LARGE1: variants seen among roughly 807,000 people sequenced by gnomAD.
LARGE1 encodes LARGE xylosyl- and glucuronyltransferase 1.
In LARGE1, 43 loss-of-function variants were observed where a neutral mutation model predicts 87.6. The ratio of observed to expected loss-of-function variants is 0.49; its 90% CI spans 0.38 to 0.63. LARGE1 has a LOEUF of 0.63. LARGE1 is among the 30% of genes least tolerant of loss of function. The pLI, the probability that LARGE1 is intolerant of heterozygous loss-of-function variation, is 0.00. For synonymous variants in LARGE1, 434 were observed against 394.6 expected (o/e 1.10, Z -1.18); for missense variants, 802 against 1,000.2 (o/e 0.80, Z 2.67).
chr22:33,904,699 G>C lies in LARGE1; in HGVS notation c.-83+15296C>G, dbSNP rs1338219286. Among the ~76,000 whole-genome samples, 3 of 151,990 alleles carry C rather than the reference G, an allele frequency of 2.0e-5. No individual in the cohort carries two copies. In the East Asian group the frequency reaches 5.8e-4, roughly 29 times the overall value. On this transcript the variant is annotated intron_variant, in intron 1 of 14. Coordinates refer to ENST00000397394, the MANE Select transcript of LARGE1 (RefSeq NM_133642.5). ...GTCTTCAGTCACTTAAGAAGATAAA[G>C]TGGAATGGTTATTTAACATCACTAT...
intron 6 of LARGE1, among the ~76,000 whole-genome samples, chr22:33,505,149 C>T (rs544980705): frequency 6.6e-6 from 1 of 152,252 alleles, no homozygotes; most frequent in Non-Finnish European, 1.5e-5. Flanking sequence ...GCAGCTTCAA[C>T]AGCTTGTCTA....
At chr22:33,169,761 G>T (rs1237821218) in intron 11 of LARGE1, among the ~76,000 whole-genome samples, 1 of 152,102 alleles carries the variant, frequency 6.6e-6, no homozygotes, top group African/African-American at 2.4e-5. Flanking sequence ...TGAGGCAGGA[G>T]AATTGCTTGA....
chr22:33,606,395 A>G (rs1333669751), intron 4 of LARGE1, among the ~76,000 whole-genome samples: 2 of 149,988 alleles, frequency 1.3e-5, no homozygotes, highest in East Asian at 3.9e-4. Context: ...ATGGAGCGAG[A>G]CCCCATCACA....
chr22:33,891,547 C>T (rs79914673), intron 1 of LARGE1, among the ~76,000 whole-genome samples: 1 of 152,040 alleles, frequency 6.6e-6, no homozygotes, highest in Admixed American at 6.6e-5. Context: ...AAGTAACTTA[C>T]CCTTCTCTGG....
intron 2 of LARGE1, among the ~76,000 whole-genome samples, chr22:33,713,895 G>T (rs746513156): frequency 5.3e-5 from 8 of 152,100 alleles, no homozygotes; most frequent in African/African-American, 1.9e-4. Context: ...GGTTGAGGCT[G>T]CAGTGAGCCA....
intron 7 of LARGE1, among the ~76,000 whole-genome samples, chr22:33,410,362 T>G (rs2066264980): frequency 6.6e-6 from 1 of 152,106 alleles, no homozygotes; most frequent in African/African-American, 2.4e-5. Flanking sequence ...CATCTTGAAT[T>G]GTAATCCCCA....
the LARGE1 span, among the ~76,000 whole-genome samples, chr22:33,110,844 G>A: frequency 6.6e-6 from 1 of 152,122 alleles, no homozygotes; most frequent in African/African-American, 2.4e-5. Flanking sequence ...CAAGCTGATG[G>A]TGGTTTGAGT....
the LARGE1 span, among the ~76,000 whole-genome samples, chr22:33,130,313 CAAAAAAA>C: frequency 0.019 from 1,060 of 56,952 alleles, 17 homozygotes; most frequent in East Asian, 0.056. Flanking sequence ...GATTCCGTCT[CAAAAAAA>C]AAAAAAAAAA....
intron 11 of LARGE1, among the ~76,000 whole-genome samples, chr22:33,178,228 T>G (rs77288444): frequency 6.6e-6 from 1 of 152,132 alleles, no homozygotes; most frequent in Non-Finnish European, 1.5e-5. Flanking sequence ...GCAGTGTCCA[T>G]ACACACAAAA....
intron 6 of LARGE1, among the ~76,000 whole-genome samples, chr22:33,478,852 A>T (rs777234094): frequency 2.5e-4 from 38 of 152,318 alleles, no homozygotes; most frequent in Non-Finnish European, 4.4e-4. Flanking sequence ...GTGAGAGGGC[A>T]TCGCTAACTA....
chr22:33,149,029 T>C, the LARGE1 span, among the ~76,000 whole-genome samples: 2 of 150,630 alleles, frequency 1.3e-5, no homozygotes, highest in African/African-American at 4.9e-5. Flanking sequence ...TCATTTTTGT[T>C]TTCTTTTTTT....
intron 12 of LARGE1, among the ~76,000 whole-genome samples, chr22:33,296,358 T>C (rs1489032703): frequency 1.3e-5 from 2 of 152,200 alleles, no homozygotes; most frequent in African/African-American, 4.8e-5. Context: ...TGTGACTTTG[T>C]AAGAACTACA....
Position 33,386,513 on chromosome 22 carries a change from T to A in LARGE1, c.893-2209A>T, listed in dbSNP as rs193187666. 2.1e-3 allele frequency among the ~76,000 whole-genome samples: 316 copies of A among 148,590 alleles called. 20 individuals carry two copies. The highest frequency in any genetic ancestry group is 2.1e-3 in the East Asian group (11 of 5,162). ...GTGGTAGGCTGGTAATGTTTAACCA[T>A]CAGCTCTCTGGGGGAAAAAAACGGC... is the stretch of plus-strand genomic sequence containing the variant. On this transcript the variant is annotated intron_variant, in intron 7 of 14. Transcript: ENST00000397394.
chr22:33,378,033 G>T (rs1378857604), intron 9 of LARGE1, among the ~76,000 whole-genome samples: 1 of 152,020 alleles, frequency 6.6e-6, no homozygotes, highest in Non-Finnish European at 1.5e-5. Context: ...CAGTCTTTCA[G>T]ATTTAACTCC....
At chr22:33,883,583 T>A (rs937990797) in intron 1 of LARGE1, among the ~76,000 whole-genome samples, 1 of 152,254 alleles carries the variant, frequency 6.6e-6, no homozygotes, top group African/African-American at 2.4e-5. Context: ...CCCAGAACAA[T>A]TGGGTTCCTC....
At chr22:33,128,126 T>G in the LARGE1 span, among the ~76,000 whole-genome samples, 1 of 152,312 alleles carries the variant, frequency 6.6e-6, no homozygotes, top group South Asian at 2.1e-4. Flanking sequence ...CTAGCTTTGA[T>G]GAGGCTGCAG....
At chr22:33,182,046 TCC>T (rs1923199913) in intron 11 of LARGE1, among the ~76,000 whole-genome samples, 1 of 152,060 alleles carries the variant, frequency 6.6e-6, no homozygotes, top group Non-Finnish European at 1.5e-5. Context: ...GGTCTCGAAC[TCC>T]TGACCTCAAG....
At chr22:33,700,504 G>A (rs1036013090) in intron 2 of LARGE1, among the ~76,000 whole-genome samples, 23 of 152,120 alleles carry the variant, frequency 1.5e-4, no homozygotes, top group African/African-American at 4.3e-4. Context: ...GAGGGCTGGC[G>A]GGGGTGCCAG....
intron 2 of LARGE1, among the ~76,000 whole-genome samples, chr22:33,671,908 A>G (rs1430706971): frequency 1.3e-5 from 2 of 152,218 alleles, no homozygotes; most frequent in African/African-American, 4.8e-5. Context: ...ATACTTGACA[A>G]TAAAGAATAC....
Sources: gnomAD v4.1 joint callset for allele counts (sites outside exome capture counted in the v4.1 genomes callset) on GRCh38, gnomAD v4.1.1 for gene constraint, MANE v1.5 for transcripts, NCBI Gene and HGNC (gene_info 2026-07-23, HGNC 2026-07-21) for gene names.